The following CNTNAP2 variants were observed in gnomAD, a reference collection of about 807,000 sequenced individuals.
CNTNAP2 encodes contactin associated protein 2.
In CNTNAP2, 98 loss-of-function variants were observed where a neutral mutation model predicts 155.2. That is an observed-to-expected ratio of 0.63 (90% CI 0.54 to 0.75). CNTNAP2 has a LOEUF of 0.75. Ranked by LOEUF, CNTNAP2 falls within the 30% of genes least tolerant of loss-of-function variation. The pLI, the probability that CNTNAP2 is intolerant of heterozygous loss-of-function variation, is 0.00. For synonymous variants in CNTNAP2, 651 were observed against 631.2 expected, an observed-to-expected ratio of 1.03 and a Z score of -0.47; for missense variants, 1,727 against 1,688.1, an observed-to-expected ratio of 1.02 and a Z score of -0.40.
intron 15 of CNTNAP2, among the ~76,000 whole-genome samples, chr7:148,023,603 G>A (rs368812379): frequency 8.5e-4 from 130 of 152,222 alleles, no homozygotes; most frequent in African/African-American, 2.7e-3. Context: ...ATTTCACACT[G>A]TGAAATGCAC....
intron 14 of CNTNAP2, among the ~76,000 whole-genome samples, chr7:147,961,711 A>G (rs1419420021): frequency 6.6e-6 from 1 of 152,222 alleles, no homozygotes; most frequent in Non-Finnish European, 1.5e-5. Context: ...CTGTAATAAA[A>G]GATTCTAGAT....
chr7:148,202,961 T>C (rs1310472350), intron 18 of CNTNAP2, among the ~76,000 whole-genome samples: 7 of 152,214 alleles, frequency 4.6e-5, no homozygotes, highest in African/African-American at 1.7e-4. Context: ...AGATAAAGTA[T>C]AATAACTTTG....
chr7:146,616,228 T>C (rs1323655020), intron 1 of CNTNAP2, among the ~76,000 whole-genome samples: 4 of 152,038 alleles, frequency 2.6e-5, no homozygotes, highest in African/African-American at 9.7e-5. Flanking sequence ...ATGAGTAAAA[T>C]GTGAGCAAAG....
intron 1 of CNTNAP2, among the ~76,000 whole-genome samples, chr7:146,692,513 T>G (rs559025165): frequency 2.0e-5 from 3 of 152,254 alleles, no homozygotes; most frequent in African/African-American, 7.2e-5. Context: ...GCAAGTGCAA[T>G]TTTAACCTAT....
chr7:147,821,396 A>G (rs1454473450), intron 13 of CNTNAP2, among the ~76,000 whole-genome samples: 4 of 152,164 alleles, frequency 2.6e-5, no homozygotes, highest in Non-Finnish European at 5.9e-5. Flanking sequence ...GTATCAAGCA[A>G]TGGTAATACA....
At chr7:148,104,210 G>A (rs944292695) in intron 15 of CNTNAP2, among the ~76,000 whole-genome samples, 1 of 152,084 alleles carries the variant, frequency 6.6e-6, no homozygotes, top group Admixed American at 6.6e-5. Flanking sequence ...GAAAATCATG[G>A]TTCTATTAAT....
At chr7:148,311,818 G>C (rs1300833987) in intron 21 of CNTNAP2, among the ~76,000 whole-genome samples, 1 of 152,172 alleles carries the variant, frequency 6.6e-6, no homozygotes, top group Non-Finnish European at 1.5e-5. Context: ...TGTGTTCAGG[G>C]TGAGGAACAG....
chr7:148,042,683 G>A (rs1802701113), intron 15 of CNTNAP2, among the ~76,000 whole-genome samples: 1 of 152,114 alleles, frequency 6.6e-6, no homozygotes, highest in African/African-American at 2.4e-5. Context: ...GGGTATTCAC[G>A]ATCCATGCCT....
chr7:147,860,842 A>G (rs950850572), intron 13 of CNTNAP2, among the ~76,000 whole-genome samples: 1 of 152,164 alleles, frequency 6.6e-6, no homozygotes, highest in East Asian at 1.9e-4. Context: ...TACAGGGTTC[A>G]TATATTGTCC....
At chr7:146,563,316 A>C (rs187740306) in intron 1 of CNTNAP2, among the ~76,000 whole-genome samples, 68 of 152,146 alleles carry the variant, frequency 4.5e-4, no homozygotes, top group African/African-American at 1.5e-3. Context: ...CTTTAAGGCT[A>C]ACTGAGAGCC....
chr7:147,703,994 T>G (rs1796273970), intron 13 of CNTNAP2, among the ~76,000 whole-genome samples: 2 of 152,196 alleles, frequency 1.3e-5, no homozygotes, highest in Non-Finnish European at 2.9e-5. Context: ...TCTTTTAAGA[T>G]AATAACTCCA....
intron 11 of CNTNAP2, among the ~76,000 whole-genome samples, chr7:147,487,253 A>G (rs535542071): frequency 6.6e-5 from 10 of 152,340 alleles, no homozygotes; most frequent in African/African-American, 2.2e-4. Flanking sequence ...AAAACTAACA[A>G]TAGAAAGATG....
chr7:148,244,188 C>CTGTT lies in CNTNAP2; in HGVS notation c.3381+14411_3381+14414dup, dbSNP rs954167625. Among the ~76,000 whole-genome samples, 115 of 152,238 alleles carry CTGTT rather than the reference C, an allele frequency of 7.6e-4. 1 individual carries two copies. The highest frequency in any genetic ancestry group is 2.4e-3 in the African/African-American group (100 of 41,546). ...GTAGGAGAGATGGGGGCCAGGTGTTCTGTTTTATTTTGTCGTTTTGGAGAG... is the reference window on the plus strand; with the variant it reads ...GTAGGAGAGATGGGGGCCAGGTGTTCTGTTTGTTTTATTTTGTCGTTTTGGAGAG... On this transcript the variant is annotated intron_variant, in intron 20 of 23. Coordinates refer to ENST00000361727, the MANE Select transcript of CNTNAP2 (RefSeq NM_014141.6).
At chr7:147,148,369 G>A (rs566150576) in intron 8 of CNTNAP2, among the ~76,000 whole-genome samples, 6 of 128,920 alleles carry the variant, frequency 4.7e-5, no homozygotes, top group Non-Finnish European at 7.9e-5. Context: ...CAGCCTGGGC[G>A]ACAGAGCGAG....
chr7:146,580,912 C>A (rs115563305), intron 1 of CNTNAP2, among the ~76,000 whole-genome samples: 12 of 152,040 alleles, frequency 7.9e-5, no homozygotes, highest in Non-Finnish European at 1.5e-4. Flanking sequence ...GCGACACTCT[C>A]ACCTCAAATT....
chr7:147,407,510 A>G (rs1183351040), intron 10 of CNTNAP2, among the ~76,000 whole-genome samples: 1 of 145,394 alleles, frequency 6.9e-6, no homozygotes, highest in Non-Finnish European at 1.5e-5. Context: ...AAAAAGAAAT[A>G]CCATACACAT....
chr7:147,397,473 T>C (rs1162129738), intron 10 of CNTNAP2, among the ~76,000 whole-genome samples: 1 of 152,076 alleles, frequency 6.6e-6, no homozygotes, highest in East Asian at 1.9e-4. Flanking sequence ...AATAATTTCA[T>C]TACCTCTTTC....
At chr7:146,705,341 C>G (rs1302011970) in intron 1 of CNTNAP2, among the ~76,000 whole-genome samples, 5 of 152,026 alleles carry the variant, frequency 3.3e-5, no homozygotes, top group Non-Finnish European at 7.4e-5. Context: ...CAGGAAGATT[C>G]AGTGTGGTAA....
chr7:148,151,283 T>TATTATC (rs1805290960), intron 17 of CNTNAP2, among the ~76,000 whole-genome samples: 1 of 152,116 alleles, frequency 6.6e-6, no homozygotes, highest in South Asian at 2.1e-4. Flanking sequence ...GGCCCATAAT[T>TATTATC]ATTATCATTA....
Sources: allele counts gnomAD v4.1 joint callset (sites outside exome capture counted in the v4.1 genomes callset), GRCh38; gene constraint gnomAD v4.1.1; transcripts MANE v1.5; gene names NCBI Gene and HGNC (gene_info 2026-07-23, HGNC 2026-07-21).